Variants in PEAK1 observed in about 807,000 individuals in gnomAD.
PEAK1 encodes the protein pseudopodium enriched atypical kinase 1.
A neutral mutation model predicts 124.7 loss-of-function variants in PEAK1; 54 were observed. That is an observed-to-expected ratio of 0.43 (90% CI 0.35 to 0.54). The LOEUF (loss-of-function observed/expected upper bound fraction) is 0.54. PEAK1 is among the 20% of genes least tolerant of loss of function. The probability of loss-of-function intolerance (pLI) is 0.01; values close to 1 mark genes in which losing one functional copy is unlikely to be tolerated. For missense variants in PEAK1, 2,046 were observed against 2,134.5 expected, an observed-to-expected ratio of 0.96 and a Z score of 0.82; for synonymous variants, 719 against 760.0, an observed-to-expected ratio of 0.95 and a Z score of 0.89.
At chr15:77,354,806 G>A (rs532149325) in intron 2 of PEAK1, among the ~76,000 whole-genome samples, 56 of 152,266 alleles carry the variant, frequency 3.7e-4, no homozygotes, top group Non-Finnish European at 8.8e-5. Flanking sequence ...TTGGGAGGCC[G>A]ATGGTGGAGG....
At chr15:77,199,425 T>C (rs1333243752) in intron 6 of PEAK1, among the ~76,000 whole-genome samples, 2 of 152,090 alleles carry the variant, frequency 1.3e-5, no homozygotes, top group Non-Finnish European at 2.9e-5. Flanking sequence ...AAGTTCCATG[T>C]GGAAAGGACT....
intron 8 of PEAK1, among the ~76,000 whole-genome samples, chr15:77,139,647 A>C (rs1250026959): frequency 6.6e-6 from 1 of 152,140 alleles, no homozygotes; most frequent in East Asian, 1.9e-4. Flanking sequence ...TCCATTTCCC[A>C]TGCACACTAC....
At chr15:77,176,172 C>A (rs2056855069) in intron 7 of PEAK1, among the ~76,000 whole-genome samples, 1 of 148,646 alleles carries the variant, frequency 6.7e-6, no homozygotes, top group South Asian at 2.1e-4. Context: ...TTAATGGGTG[C>A]AGCACACCAG....
intron 6 of PEAK1, among the ~76,000 whole-genome samples, chr15:77,216,796 G>T (rs1274278035): frequency 6.6e-6 from 1 of 152,126 alleles, no homozygotes; most frequent in African/African-American, 2.4e-5. Context: ...CACTCAACGG[G>T]GGCCAAAACC....
chr15:77,143,366 C>G (rs746914515), intron 8 of PEAK1, among the ~76,000 whole-genome samples: 6 of 152,098 alleles, frequency 3.9e-5, no homozygotes, highest in African/African-American at 7.2e-5. Context: ...ATTGCTGTCT[C>G]CAGTTTTACC....
chr15:77,188,031 G>A (rs906202906), intron 6 of PEAK1, among the ~76,000 whole-genome samples: 1 of 152,100 alleles, frequency 6.6e-6, no homozygotes, highest in South Asian at 2.1e-4. Context: ...GGTGGGGAGA[G>A]GAAGTGAAAG....
At chr15:77,280,564 CTTTT>C (rs71447149) in intron 5 of PEAK1, among the ~76,000 whole-genome samples, 3 of 138,674 alleles carry the variant, frequency 2.2e-5, no homozygotes, top group Non-Finnish European at 1.6e-5. Flanking sequence ...AAATGATTTC[CTTTT>C]TTTTTTTTTT....
intron 5 of PEAK1, among the ~76,000 whole-genome samples, chr15:77,272,152 A>G (rs1325130846): frequency 2.6e-5 from 4 of 152,180 alleles, no homozygotes; most frequent in African/African-American, 7.2e-5. Context: ...AAATGCCTAC[A>G]TTGTTAAGTC....
chr15:77,331,187 T>C, intron 2 of PEAK1: 1 of 287,910 alleles, frequency 3.5e-6, no homozygotes, highest in Non-Finnish European at 5.2e-6. Context: ...TGAAGTGTAG[T>C]GGCATGATCT....
intron 7 of PEAK1, among the ~76,000 whole-genome samples, chr15:77,176,514 G>T (rs2056888259): frequency 6.6e-6 from 1 of 152,048 alleles, no homozygotes; most frequent in Non-Finnish European, 1.5e-5. Flanking sequence ...AAACTCCAGG[G>T]GTGGGGATCA....
chr15:77,291,857 G>T (rs1490805584), intron 2 of PEAK1, among the ~76,000 whole-genome samples: 1 of 151,498 alleles, frequency 6.6e-6, no homozygotes. Context: ...GGTGCCTGTA[G>T]TCCCCGCTAC....
chr15:77,419,705 T>G, intron 1 of PEAK1: 1 of 978,628 alleles, frequency 1.0e-6, no homozygotes, highest in Non-Finnish European at 1.2e-6. Flanking sequence ...CTTTCCTTCC[T>G]CTGGGGGGCG....
exon 7 of PEAK1, chr15:77,102,294 C>T (rs547347730): frequency 3.9e-5 from 6 of 152,144 alleles, no homozygotes; most frequent in Non-Finnish European, 7.4e-5. Context: ...CTTTATAACT[C>T]AGAATTTTAA....
intron 2 of PEAK1, chr15:77,346,543 T>C: frequency 4.1e-6 from 4 of 985,398 alleles, no homozygotes; most frequent in Non-Finnish European, 4.8e-6. Flanking sequence ...GACACCCACC[T>C]GGCAAGCAGA....
chr15:77,335,951 C>A (rs2066172913), intron 2 of PEAK1: 2 of 985,262 alleles, frequency 2.0e-6, no homozygotes, highest in Admixed American at 6.2e-5. Context: ...TCTGGGAAAT[C>A]TTTTACCAGG....
chr15:77,225,975 C>T (rs2059625606), intron 6 of PEAK1, among the ~76,000 whole-genome samples: 1 of 138,172 alleles, frequency 7.2e-6, no homozygotes, highest in African/African-American at 2.6e-5. Flanking sequence ...TTTAATCGAT[C>T]CTTAACCAAG....
intron 6 of PEAK1, among the ~76,000 whole-genome samples, chr15:77,243,151 A>G (rs1345202895): frequency 6.6e-6 from 1 of 152,238 alleles, no homozygotes; most frequent in East Asian, 1.9e-4. Context: ...CTGTGCTTCC[A>G]GTATATGATT....
intron 2 of PEAK1, chr15:77,351,861 C>G: frequency 1.0e-6 from 1 of 985,282 alleles, no homozygotes; most frequent in African/African-American, 1.7e-5. Context: ...TCCGGGCATA[C>G]AAGAAAAGGA....
chr15:77,394,975 T>C (rs932649426), intron 1 of PEAK1, among the ~76,000 whole-genome samples: 1 of 152,214 alleles, frequency 6.6e-6, no homozygotes, highest in African/African-American at 2.4e-5. Flanking sequence ...CATTAATGTA[T>C]ATAACTCCTA....
Sources: gnomAD v4.1 joint callset for allele counts (sites outside exome capture counted in the v4.1 genomes callset) on GRCh38, gnomAD v4.1.1 for gene constraint, MANE v1.5 for transcripts, NCBI Gene and HGNC (gene_info 2026-07-23, HGNC 2026-07-21) for gene names.